MAP2K1: variants seen among roughly 807,000 people sequenced by gnomAD.
MAP2K1 encodes mitogen-activated protein kinase kinase 1.
Under a neutral mutation model 46.3 loss-of-function variants are expected in MAP2K1, and 16 were observed. That is an observed-to-expected ratio of 0.35 (90% confidence interval 0.23 to 0.52). The LOEUF (loss-of-function observed/expected upper bound fraction) is 0.52. Ranked by LOEUF, MAP2K1 falls within the 20% of genes least tolerant of loss-of-function variation. The pLI, the probability that MAP2K1 is intolerant of heterozygous loss-of-function variation, is 0.94. For synonymous variants in MAP2K1, 183 were observed against 185.6 expected (o/e 0.99, Z 0.11); for missense variants, 263 against 497.1 (o/e 0.53, Z 4.48).
rs544532356 is a variant in MAP2K1 at position 66,395,798 on chromosome 15, G to A, written c.80+8371G>A. ...TCACCATGTTGCCCAGCCTGGTCTC[G>A]AACCCCTGACCTCAGGTGATCCACT... On this transcript the variant is annotated intron_variant, in intron 1 of 10. Coordinates refer to ENST00000307102, the MANE Select transcript of MAP2K1 (RefSeq NM_002755.4). 1.3e-3 allele frequency among the ~76,000 whole-genome samples: 203 copies of A among 151,972 alleles called. 1 individual carries two copies. Among genetic ancestry groups the A allele is most frequent in the African/African-American group, 4.8e-3 (200 of 41,454 alleles).
chr15:66,392,554 CTTTT>C (rs71287024), intron 1 of MAP2K1, among the ~76,000 whole-genome samples: 1 of 129,058 alleles, frequency 7.7e-6, no homozygotes, highest in Non-Finnish European at 1.7e-5. Context: ...CTTTTCTTTT[CTTTT>C]TTTTTTTTTT....
At chr15:66,416,909 C>T (rs909960552) in intron 1 of MAP2K1, among the ~76,000 whole-genome samples, 2 of 152,152 alleles carry the variant, frequency 1.3e-5, no homozygotes, top group African/African-American at 4.8e-5. Flanking sequence ...CTGCTCTTAA[C>T]GAGTCCCCAA....
At chr15:66,485,357 T>G (rs1893012843) in intron 7 of MAP2K1, among the ~76,000 whole-genome samples, 166 bp downstream of exon 7, 1 of 152,208 alleles carries the variant, frequency 6.6e-6, no homozygotes, top group Non-Finnish European at 1.5e-5. Flanking sequence ...CAGGTGGGTG[T>G]TGTTACTACC....
At chr15:66,462,281 AC>A (rs1193164609) in intron 5 of MAP2K1, among the ~76,000 whole-genome samples, 1 of 152,046 alleles carries the variant, frequency 6.6e-6, no homozygotes, top group Non-Finnish European at 1.5e-5. Context: ...TGGGTGGATC[AC>A]CTGAGGTCAG....
intron 1 of MAP2K1, among the ~76,000 whole-genome samples, chr15:66,419,748 A>AT (rs1472692221): frequency 3.3e-5 from 5 of 152,092 alleles, no homozygotes; most frequent in Non-Finnish European, 7.4e-5. Flanking sequence ...CTGCAGAAAC[A>AT]TGTTGTGGGA....
chr15:66,485,665 A>G (rs1043444055), intron 7 of MAP2K1, among the ~76,000 whole-genome samples: 2 of 151,890 alleles, frequency 1.3e-5, no homozygotes, highest in African/African-American at 4.8e-5. Context: ...TGCAGCCTCA[A>G]CCTCCCAGGC....
rs147364764 is a variant in MAP2K1 at position 66,444,863 on chromosome 15, G to T, written c.568+156G>T. On this transcript the variant is annotated intron_variant, in intron 5 of 10. Coordinates refer to ENST00000307102, the MANE Select transcript of MAP2K1 (RefSeq NM_002755.4). Reference sequence around the variant, plus strand: ...GTCTTTGTTTAGTTTGGTGGCTGAGGCAGCAACTCCTACCCTCTTTTTGGT... The same window carrying T: ...GTCTTTGTTTAGTTTGGTGGCTGAGTCAGCAACTCCTACCCTCTTTTTGGT... The T allele has an allele frequency of 7.4e-6, 5 of 676,940 alleles. No homozygotes were observed. The Admixed American group carries it at 9.7e-5, about 13-fold the overall frequency. The allele number at this position is 676,940 out of a possible 1,614,324, so 41.9% of individuals were successfully genotyped here.
At chr15:66,446,406 A>G (rs573612253) in intron 5 of MAP2K1, 1 of 160,868 alleles carries the variant, frequency 6.2e-6, no homozygotes, top group East Asian at 1.9e-4. Flanking sequence ...GCACCACTGC[A>G]CTCCAGCCTG....
chr15:66,477,495 A>G (rs554381630), intron 5 of MAP2K1, among the ~76,000 whole-genome samples: 1 of 152,268 alleles, frequency 6.6e-6, no homozygotes, highest in East Asian at 1.9e-4. Context: ...TTATTACATC[A>G]ATCCTGGTCT....
chr15:66,430,965 A>G (rs2093473580), intron 1 of MAP2K1, among the ~76,000 whole-genome samples: 1 of 152,048 alleles, frequency 6.6e-6, no homozygotes, highest in Admixed American at 6.6e-5. Context: ...ATGAACTTGT[A>G]TTTACCGTTA....
intron 6 of MAP2K1, among the ~76,000 whole-genome samples, chr15:66,483,235 C>T: frequency 6.6e-6 from 1 of 152,174 alleles, no homozygotes; most frequent in Non-Finnish European, 1.5e-5. Context: ...TTCTTGCTGG[C>T]ACCTACCCCC....
chr15:66,443,177 C>G, intron 3 of MAP2K1, 103 bp from the exon 4 acceptor site: 1 of 731,114 alleles, frequency 1.4e-6, no homozygotes, highest in South Asian at 1.4e-5. Context: ...AGCTCCGCCT[C>G]CCAGGTTCAT....
chr15:66,390,169 T>C (rs1197480246), intron 1 of MAP2K1, among the ~76,000 whole-genome samples: 2 of 152,188 alleles, frequency 1.3e-5, no homozygotes, highest in Non-Finnish European at 2.9e-5. Flanking sequence ...CCTCTATGAC[T>C]CATTGCTGTG....
intron 1 of MAP2K1, among the ~76,000 whole-genome samples, chr15:66,394,677 C>T (rs1215491635): frequency 2.6e-5 from 4 of 152,090 alleles, no homozygotes; most frequent in African/African-American, 9.7e-5. Context: ...GCTCAAACTC[C>T]TTGCCTCATG....
chr15:66,479,312 G>A (rs918506423), intron 5 of MAP2K1, among the ~76,000 whole-genome samples: 3 of 152,032 alleles, frequency 2.0e-5, no homozygotes, highest in Admixed American at 2.0e-4. Context: ...TGGCCAGGCT[G>A]GTCTTGAACT....
At chr15:66,392,255 G>GTTTGTTTTTTTTTTTT (rs2093357927) in intron 1 of MAP2K1, among the ~76,000 whole-genome samples, 1 of 97,758 alleles carries the variant, frequency 1.0e-5, no homozygotes, top group African/African-American at 4.5e-5. Context: ...TTTTTTTTGG[G>GTTTGTTTTTTTTTTTT]TTTTTTTTTT....
At chr15:66,418,983 T>C (rs1364423321) in intron 1 of MAP2K1, among the ~76,000 whole-genome samples, 2 of 148,838 alleles carry the variant, frequency 1.3e-5, no homozygotes, top group Non-Finnish European at 3.0e-5. Flanking sequence ...TTTCTTTTTT[T>C]TGAGACAGAG....
At chr15:66,390,409 G>A (rs1566992872) in intron 1 of MAP2K1, among the ~76,000 whole-genome samples, 2 of 152,162 alleles carry the variant, frequency 1.3e-5, no homozygotes, top group South Asian at 4.1e-4. Flanking sequence ...ATCAGACAAT[G>A]TGAACTAAAG....
chr15:66,473,259 A>G (rs775126895), intron 5 of MAP2K1, among the ~76,000 whole-genome samples: 5 of 152,190 alleles, frequency 3.3e-5, no homozygotes, highest in African/African-American at 7.2e-5. Flanking sequence ...TATTCTGCCA[A>G]ATATTACGAA....
Sources: gnomAD v4.1 joint callset for allele counts (sites outside exome capture counted in the v4.1 genomes callset) on GRCh38, gnomAD v4.1.1 for gene constraint, MANE v1.5 for transcripts, NCBI Gene and HGNC (gene_info 2026-07-23, HGNC 2026-07-21) for gene names.